LSM1: variants seen among roughly 807,000 people sequenced by gnomAD.
LSM1 encodes U6 snRNA-associated Sm-like protein LSm1.
LSM1 carries 13 observed loss-of-function variants against 18.0 expected under a neutral mutation model. That is an observed-to-expected ratio of 0.72 (90% CI 0.47 to 1.15). The LOEUF is 1.15. LSM1 is among the 50% of genes most tolerant of loss of function. The pLI is 0.00. For synonymous variants in LSM1, 46 were observed against 56.0 expected (o/e 0.82, Z 0.80); for missense variants, 152 against 157.7 (o/e 0.96, Z 0.19).
In LSM1 at chr8:38,169,814, T is replaced by C. The variant is rs1563274824; in HGVS notation, c.219A>G (p.Leu73=). 8 of 1,607,274 alleles carry C rather than the reference T, an allele frequency of 5.0e-6. No homozygotes were observed. Among genetic ancestry groups the C allele is most frequent in the Non-Finnish European group, 6.8e-6 (8 of 1,173,860 alleles). ...AGTTTTCACTTACTATTTCTCCTAG[T>C]AGGACCACATTTTCTCCTCTGACCA... ...IFVVRGENVV[L]LGEIDLEKES... The change falls in exon 3 of 4, where the codon CTA becomes CTG. Residue 73 remains leucine (L), a synonymous_variant. Transcript: ENST00000311351.
In LSM1 at chr8:38,165,764, C is replaced by G. The variant is rs770600577; in HGVS notation, c.232-1924G>C. On this transcript the variant is annotated intron_variant, in intron 3 of 3. Coordinates refer to ENST00000311351, the MANE Select transcript of LSM1 (RefSeq NM_014462.3). The stretch of plus-strand genomic sequence containing the variant: ...GGCGTGGTAACGTGTACCTATAGTC[C>G]CAGCTACTCATGAGGCTGAGGGGGG... Among the ~76,000 whole-genome samples the G allele has an allele frequency of 2.0e-5, 3 of 151,450 alleles. No homozygotes were observed. The South Asian group carries it at 6.3e-4, about 32-fold the overall frequency.
intron 1 of LSM1, among the ~76,000 whole-genome samples, chr8:38,172,271 G>C (rs1051353768): frequency 6.6e-6 from 1 of 151,346 alleles, no homozygotes; most frequent in African/African-American, 2.4e-5. Flanking sequence ...GCACCAGGAA[G>C]CCTGACTAGC....
At chr8:38,176,719 T>G (rs1161103402), upstream of LSM1, 8 of 1,034,422 alleles carry the variant, frequency 7.7e-6, no homozygotes, top group Non-Finnish European at 1.1e-5. Context: ...GCTTTCGGGG[T>G]TCGGCAGCAG....
At chr8:38,172,908 G>A (rs1222089501) in intron 1 of LSM1, among the ~76,000 whole-genome samples, 3 of 152,210 alleles carry the variant, frequency 2.0e-5, no homozygotes, top group Admixed American at 6.5e-5. Context: ...TAGAGAATGA[G>A]ACTTAGAAAG....
At position 38,176,471 on chromosome 8, in the gene LSM1, G is replaced by A. The variant is rs2270376; in HGVS notation, c.-151C>T. 5 of 635,758 alleles carry A rather than the reference G, an allele frequency of 7.9e-6. No individual in the cohort carries two copies. The Admixed American group carries it at 1.1e-4, about 14-fold the overall frequency. 39.4% of individuals were successfully genotyped at this position (635,758 alleles called of 1,614,324 possible). On this transcript the variant is annotated 5_prime_UTR_variant, in exon 1 of 4. Transcript: ENST00000311351. ...CTGCCCCGGCTTTCAGCCGCCGGGG[G>A]CTGCCGGAAGCTCCTCCATATTACC...
chr8:38,165,023 T>C (rs566660903), intron 3 of LSM1, among the ~76,000 whole-genome samples: 42 of 152,214 alleles, frequency 2.8e-4, no homozygotes, highest in African/African-American at 9.4e-4. Flanking sequence ...CTAAACCAAT[T>C]TGGTCCCAAT....
intron 1 of LSM1, among the ~76,000 whole-genome samples, chr8:38,172,674 A>G (rs1354305612): frequency 6.6e-6 from 1 of 152,176 alleles, no homozygotes; most frequent in African/African-American, 2.4e-5. Flanking sequence ...CAGTTTTTAT[A>G]TCTGTAAATT....
Position 38,163,827 on chromosome 8 carries a change from T to A in LSM1, c.245A>T (p.Glu82Val). 1 of 1,614,110 alleles carries A rather than the reference T, an allele frequency of 6.2e-7. No homozygotes were observed. The highest frequency in any genetic ancestry group is 8.5e-7 in the Non-Finnish European group (1 of 1,179,952). ...VLLGEIDLEK[E>V]SDTPLQQVSI... ...TACTTGCTGGAGGGGTGTGTCACTC[T>A]CCTTTTCCAAGTCCTACAAAAGAGA... The change falls in exon 4 of 4, where the codon GAG (glutamate) becomes GTG (valine). Residue 82 changes from glutamate to valine, a missense_variant. By Grantham distance (121) the Glu-to-Val change is moderately radical. Transcript: ENST00000311351.
intron 3 of LSM1, among the ~76,000 whole-genome samples, chr8:38,168,909 T>C (rs1293499620): frequency 6.6e-6 from 1 of 152,152 alleles, no homozygotes; most frequent in African/African-American, 2.4e-5. Context: ...CTCCTTGCTT[T>C]CTCAAATGGC....
intron 3 of LSM1, 93 bp from the exon 4 acceptor site, chr8:38,163,933 T>A: frequency 9.0e-7 from 1 of 1,112,260 alleles, no homozygotes; most frequent in Non-Finnish European, 1.3e-6. Flanking sequence ...CAGGCTCAGA[T>A]TATTTTTCAT....
chr8:38,168,288 A>T (rs1482674509), intron 3 of LSM1, among the ~76,000 whole-genome samples: 1 of 151,180 alleles, frequency 6.6e-6, no homozygotes, highest in Non-Finnish European at 1.5e-5. Flanking sequence ...CGACACAAGA[A>T]GATAACAATT....
Position 38,163,645 on chromosome 8 carries a change from G to A in LSM1, c.*25C>T. On this transcript the variant is annotated 3_prime_UTR_variant, in exon 4 of 4. Coordinates refer to ENST00000311351, the MANE Select transcript of LSM1 (RefSeq NM_014462.3). ...CTCAGTGACAGCCCCTACTCTTCAA[G>A]AGCCAACAGCCTCTGGGCAAAAGAT... 1 of 1,611,404 alleles carries A rather than the reference G, an allele frequency of 6.2e-7. No individual in the cohort carries two copies. Among genetic ancestry groups the A allele is most frequent in the Non-Finnish European group, 8.5e-7 (1 of 1,178,178 alleles).
At chr8:38,175,361 C>T (rs890024474) in intron 1 of LSM1, among the ~76,000 whole-genome samples, 2 of 152,096 alleles carry the variant, frequency 1.3e-5, no homozygotes, top group Non-Finnish European at 2.9e-5. Context: ...AGCCACCGCG[C>T]CAGGCCCGTA....
intron 2 of LSM1, among the ~76,000 whole-genome samples, chr8:38,171,208 T>C (rs2843739): frequency 0.94 from 142,575 of 152,296 alleles, 67,027 homozygotes; most frequent in East Asian, 1. Context: ...CGGAACTGCT[T>C]TGAAGTCATT....
At chr8:38,173,374 G>A (rs1803062375) in intron 1 of LSM1, among the ~76,000 whole-genome samples, 2 of 151,840 alleles carry the variant, frequency 1.3e-5, no homozygotes, top group Admixed American at 1.3e-4. Flanking sequence ...ATAGGAAGGG[G>A]GCGGGGGGGG....
chr8:38,165,255 A>G (rs1802909583), intron 3 of LSM1, among the ~76,000 whole-genome samples: 1 of 152,148 alleles, frequency 6.6e-6, no homozygotes, highest in African/African-American at 2.4e-5. Context: ...TGGGAGGCTG[A>G]GGCAGGAGAA....
chr8:38,168,530 G>A (rs1362320270), intron 3 of LSM1, among the ~76,000 whole-genome samples: 1 of 149,982 alleles, frequency 6.7e-6, no homozygotes, highest in African/African-American at 2.5e-5. Context: ...GGCGGAAGTT[G>A]CAGTGAGCTG....
chr8:38,171,269 G>A (rs994828827), intron 2 of LSM1, among the ~76,000 whole-genome samples: 3 of 152,124 alleles, frequency 2.0e-5, no homozygotes, highest in Non-Finnish European at 2.9e-5. Context: ...ACAATGGCTC[G>A]CGCCTATAAT....
chr8:38,176,003 C>A, intron 1 of LSM1: 1 of 385,856 alleles, frequency 2.6e-6, no homozygotes, highest in South Asian at 4.3e-5. Context: ...TCTGCTGCCG[C>A]GATCCACGGA....
Sources: allele counts gnomAD v4.1 joint callset (sites outside exome capture counted in the v4.1 genomes callset), GRCh38; gene constraint gnomAD v4.1.1; transcripts MANE v1.5; gene names NCBI Gene and HGNC (gene_info 2026-07-23, HGNC 2026-07-21).